Variants in PPFIA3 observed in about 807,000 individuals in gnomAD.
PPFIA3 encodes the protein PPFI scaffold protein A3.
PPFIA3 carries 26 observed loss-of-function variants against 145.8 expected under a neutral mutation model. The ratio of observed to expected loss-of-function variants is 0.18; its 90% CI spans 0.13 to 0.25. PPFIA3 has a LOEUF of 0.25. Ranked by LOEUF, PPFIA3 falls within the 10% of genes least tolerant of loss-of-function variation. The pLI, the probability that PPFIA3 is intolerant of heterozygous loss-of-function variation, is 1.00. For missense variants in PPFIA3, 1,008 were observed against 1,587.8 expected (o/e 0.63, Z 6.21); for synonymous variants, 645 against 661.4 (o/e 0.98, Z 0.38).
Position 49,149,902 on chromosome 19 carries a change from G to A in PPFIA3, c.3527-178G>A. On this transcript the variant is annotated intron_variant, in intron 28 of 29. Coordinates refer to ENST00000334186, the MANE Select transcript of PPFIA3 (RefSeq NM_003660.4). The surrounding 1 kb of genome is among the most constrained non-coding windows in gnomAD (Gnocchi z 5.7). ...GATAAATCCCACTCCCCCTTCCCAG[G>A]GCGGGAGTGAACTCGCCCAATGCGA... is the stretch of plus-strand genomic sequence containing the variant. 8.9e-7 allele frequency: 1 copy of A among 1,119,188 alleles called. No homozygotes were observed. Among genetic ancestry groups the A allele is most frequent in the Non-Finnish European group, 1.3e-6 (1 of 796,524 alleles). The allele number at this position is 1,119,188 out of a possible 1,614,324, so 69.3% of individuals were successfully genotyped here.
At chr19:49,145,909 C>T in intron 21 of PPFIA3, 34 bp from the exon 22 acceptor site, 1 of 1,602,838 alleles carries the variant, frequency 6.2e-7, no homozygotes, top group Non-Finnish European at 8.5e-7. Flanking sequence ...GCGAAGCCCT[C>T]TCCCACCATC....
rs887151215 is a variant in PPFIA3, at chr19:49,120,964, G to A, written c.-16+1242G>A. ...CTCTGTCCACTGCCCTCCCCAGCAG[G>A]TATCTAGTTTCTCAGGTCTCACTTT... On this transcript the variant is annotated intron_variant, in intron 1 of 29. Transcript: ENST00000334186. This position sits in a 1 kb window ranked among gnomAD's most constrained non-coding sequence, Gnocchi z 4.6. Among the ~76,000 whole-genome samples the A allele has an allele frequency of 6.6e-6, 1 of 152,160 alleles. No individual in the cohort carries two copies.
chr19:49,124,680 G>GT (rs2040975521), intron 1 of PPFIA3, among the ~76,000 whole-genome samples: 1 of 152,168 alleles, frequency 6.6e-6, no homozygotes, highest in Non-Finnish European at 1.5e-5. Context: ...GCCTTGCTGT[G>GT]TTTTTTATTT....
chr19:49,125,503 G>A (rs1476913186), intron 1 of PPFIA3: 1 of 152,482 alleles, frequency 6.6e-6, no homozygotes, highest in Non-Finnish European at 1.5e-5. Context: ...CTGGCTCTAG[G>A]GACCCAAGTC....
Position 49,135,796 on chromosome 19 carries a change from C to A in PPFIA3, c.1538C>A (p.Ala513Asp). The A allele has an allele frequency of 1.2e-6, 2 of 1,612,080 alleles. No homozygotes were observed. The highest frequency in any genetic ancestry group is 1.7e-6 in the Non-Finnish European group (2 of 1,178,904). ...GCCCACAGGTCTCTCCCTGGCAGTG[C>A]CCTGGAGCTCCGTTACTCTCAGGCA... ...SSYSRSLPGS[A>D]LELRYSQAPT... The change falls in exon 14 of 30, where the codon GCC (alanine) becomes GAC (aspartate). Residue 513 changes from alanine to aspartate, a missense_variant. Around this residue, in one of 11 missense-constraint regions of PPFIA3, gnomAD observed 121 missense variants for 138.2 expected, o/e 0.88. Transcript: ENST00000334186.
At position 49,142,921 on chromosome 19, in the gene PPFIA3, C is replaced by G; in HGVS notation, c.2662C>G (p.Pro888Ala). ...CCAGCGCGAGATCGGCATCAGCAAC[C>G]CGCTGCACCGACTCAAGCTACGCCT... ...EIQREIGISN[P>A]LHRLKLRLAI... is the part of the protein sequence containing the mutation. Residue 888 changes from proline to alanine, a missense_variant, in exon 21 of 30, where the codon CCG becomes GCG. Physicochemically the swap from Pro to Ala is conservative, Grantham distance 27. Coordinates refer to ENST00000334186, the MANE Select transcript of PPFIA3 (RefSeq NM_003660.4). 1 of 1,613,794 alleles carries G rather than the reference C, an allele frequency of 6.2e-7. No homozygotes were observed. The highest frequency in any genetic ancestry group is 1.3e-5 in the African/African-American group (1 of 75,030).
At position 49,148,759 on chromosome 19, in the gene PPFIA3, C is replaced by T; in HGVS notation, c.3105C>T (p.Ile1035=). Residue 1035 remains isoleucine, a synonymous_variant, in exon 25 of 30, where the codon ATC becomes ATT. Transcript: ENST00000334186. The part of the protein sequence containing the change: ...ERRREESQTQ[I]RDVMVWSNER... Reference sequence around the variant, plus strand: ...GGCGGGAAGAAAGTCAGACCCAGATCCGAGGTGAGTAGAGCCTAAGGGTCC... The same window carrying T: ...GGCGGGAAGAAAGTCAGACCCAGATTCGAGGTGAGTAGAGCCTAAGGGTCC... 1 of 1,612,866 alleles carries T rather than the reference C, an allele frequency of 6.2e-7. No individual in the cohort carries two copies. Among genetic ancestry groups the T allele is most frequent in the Non-Finnish European group, 8.5e-7 (1 of 1,178,940 alleles).
In PPFIA3 at chr19:49,142,860, C is replaced by T. The variant is rs1468751580; in HGVS notation, c.2601C>T (p.Ser867=). ...YVAACRANVK[S]GAIMANLSDT... ...CCGCCTGCCGGGCCAATGTCAAGAG[C>T]GGTGCCATCATGGCCAACCTGTCAG... Residue 867 remains serine (S), a synonymous_variant, in exon 21 of 30, where the codon AGC becomes AGT. Coordinates refer to ENST00000334186, the MANE Select transcript of PPFIA3 (RefSeq NM_003660.4). 2 of 1,613,842 alleles carry T rather than the reference C, an allele frequency of 1.2e-6. No homozygotes were observed. The highest frequency in any genetic ancestry group is 1.1e-5 in the South Asian group (1 of 91,068).
intron 20 of PPFIA3, 86 bp downstream of exon 20, chr19:49,142,201 C>A: frequency 2.4e-6 from 3 of 1,275,348 alleles, no homozygotes; most frequent in South Asian, 1.4e-5. Flanking sequence ...CCTCCTGGCG[C>A]ACCCTGCTTC....
chr19:49,121,068 C>T (rs996473050), intron 1 of PPFIA3, among the ~76,000 whole-genome samples: 3 of 152,170 alleles, frequency 2.0e-5, no homozygotes, highest in African/African-American at 7.2e-5. Flanking sequence ...ACCCCTGTCT[C>T]ATCCTCATGT....
chr19:49,150,011 G>T, intron 28 of PPFIA3, 69 bp from the exon 29 acceptor site: 2 of 1,522,866 alleles, frequency 1.3e-6, no homozygotes, highest in African/African-American at 1.4e-5. Flanking sequence ...GAAGTCCAAA[G>T]GGAGGAATCC....
chr19:49,149,969 G>T lies in PPFIA3; in HGVS notation c.3527-111G>T, dbSNP rs950287015. 5.2e-6 allele frequency: 7 copies of T among 1,334,572 alleles called. No individual in the cohort carries two copies. The African/African-American group carries it at 1.0e-4, about 19-fold the overall frequency. The allele number at this position is 1,334,572 out of a possible 1,614,324, so 82.7% of individuals were successfully genotyped here. ...GCGGGGAAGGGAGGGAAACCCATGT[G>T]GAGCCCGGCGATCGTTGTGACATCG... On this transcript the variant is annotated intron_variant, in intron 28 of 29. Coordinates refer to ENST00000334186, the MANE Select transcript of PPFIA3 (RefSeq NM_003660.4). This position sits in a 1 kb window ranked among gnomAD's most constrained non-coding sequence, Gnocchi z 5.7.
chr19:49,147,678 C>T (rs962127759), intron 23 of PPFIA3, among the ~76,000 whole-genome samples: 1 of 128,122 alleles, frequency 7.8e-6, no homozygotes, highest in Non-Finnish European at 1.7e-5. Context: ...ATAGCAGACT[C>T]TTTCAGAAAG....
In PPFIA3 at chr19:49,128,907, C is replaced by G; in HGVS notation, c.402C>G (p.Thr134=). The G allele has an allele frequency of 6.2e-7, 1 of 1,613,932 alleles. No homozygotes were observed. Among genetic ancestry groups the G allele is most frequent in the Non-Finnish European group, 8.5e-7 (1 of 1,179,944 alleles). The part of the protein sequence containing the change: ...VSRHERSLRM[T]VVKRQAQSPG... ...GGCACGAGAGGTCACTGCGCATGACCGTGGTGAAGCGCCAGGCCCAGTCCC... is the reference window on the plus strand; with the variant it reads ...GGCACGAGAGGTCACTGCGCATGACGGTGGTGAAGCGCCAGGCCCAGTCCC... The change falls in exon 4 of 30, where the codon ACC becomes ACG. Residue 134 remains threonine, a synonymous_variant. Transcript: ENST00000334186. This position sits in a 1 kb window ranked among gnomAD's most constrained non-coding sequence, Gnocchi z 4.1.
intron 23 of PPFIA3, among the ~76,000 whole-genome samples, chr19:49,147,015 T>C (rs1007211402): frequency 2.0e-5 from 3 of 152,186 alleles, no homozygotes; most frequent in Admixed American, 6.5e-5. Context: ...ACTGTGGTCA[T>C]AGATCACATA....
Position 49,130,320 on chromosome 19 carries a change from T to G in PPFIA3, c.658-58T>G. The G allele has an allele frequency of 6.9e-7, 1 of 1,454,774 alleles. No homozygotes were observed. The highest frequency in any genetic ancestry group is 9.3e-7 in the Non-Finnish European group (1 of 1,073,374). The allele number at this position is 1,454,774 out of a possible 1,614,324, so 90.1% of individuals were successfully genotyped here. A position where few individuals can be genotyped will look rare whatever the true frequency, so the allele number is the denominator to read the frequency against. The stretch of plus-strand genomic sequence containing the variant: ...TCAGCTGATTGACTTTCTCCTTGGA[T>G]TTCCTCTGTGTCTCCGGAGACACTC... On this transcript the variant is annotated intron_variant, in intron 6 of 29. Transcript: ENST00000334186. This position sits in a 1 kb window ranked among gnomAD's most constrained non-coding sequence, Gnocchi z 4.5.
rs775998275 is a variant in PPFIA3, at chr19:49,141,381, C to T, written c.2369-39C>T. On this transcript the variant is annotated intron_variant, in intron 18 of 29. Coordinates refer to ENST00000334186, the MANE Select transcript of PPFIA3 (RefSeq NM_003660.4). ...CCAGCATGAAAGATTCTGCCTCCCC[C>T]TTGAGATTTTCCAAATTTCGACCCC... The T allele has an allele frequency of 2.6e-6, 4 of 1,525,574 alleles. No homozygotes were observed. The South Asian group carries it at 3.4e-5, about 13-fold the overall frequency. The allele number at this position is 1,525,574 out of a possible 1,614,324, so 94.5% of individuals were successfully genotyped here. A position where few individuals can be genotyped will look rare whatever the true frequency, so the allele number is the denominator to read the frequency against.
rs1464322707 is a variant in PPFIA3 at position 49,128,663 on chromosome 19, CTT to C, written c.343-182_343-181del. ...CACTCCTTCCTCCCTGTCTCCATAA[CTT>C]TTCTCTTTTCTGTACCACCGGTTCC... On this transcript the variant is annotated intron_variant, in intron 3 of 29. Transcript: ENST00000334186. This position sits in a 1 kb window ranked among gnomAD's most constrained non-coding sequence, Gnocchi z 4.1. The C allele has an allele frequency of 1.2e-5, 9 of 753,154 alleles. No individual in the cohort carries two copies. The East Asian group carries it at 2.4e-4, about 20-fold the overall frequency. The allele number at this position is 753,154 out of a possible 1,614,324, so 46.7% of individuals were successfully genotyped here.
At chr19:49,143,061 CT>C in intron 21 of PPFIA3, 57 bp downstream of exon 21, 2 of 1,564,046 alleles carry the variant, frequency 1.3e-6, no homozygotes, top group Non-Finnish European at 1.7e-6. Context: ...GCCTCTTGCC[CT>C]CAGTCTAGCC....
Sources: gnomAD v4.1 joint callset for allele counts (sites outside exome capture counted in the v4.1 genomes callset) on GRCh38, gnomAD v4.1.1 for gene constraint, gnomAD v4.1.1 regional missense constraint, Gnocchi (gnomAD v3.1) non-coding constraint, MANE v1.5 for transcripts, NCBI Gene and HGNC (gene_info 2026-07-23, HGNC 2026-07-21) for gene names.